The following TRPM3 variants were observed in gnomAD, a reference collection of about 807,000 sequenced individuals.
TRPM3 encodes long transient receptor potential channel 3.
Under a neutral mutation model 181.2 loss-of-function variants are expected in TRPM3, and 77 were observed. The ratio of observed to expected loss-of-function variants is 0.42; its 90% CI spans 0.35 to 0.51. TRPM3 has a LOEUF of 0.51. Ranked by LOEUF, TRPM3 falls within the 20% of genes least tolerant of loss-of-function variation. TRPM3 has a pLI of 0.01. For synonymous variants in TRPM3, 745 were observed against 796.4 expected (o/e 0.94, Z 1.09); for missense variants, 1,759 against 2,196.7 (o/e 0.80, Z 3.98).
At chr9:70,653,188 G>A (rs2059813384) in intron 9 of TRPM3, among the ~76,000 whole-genome samples, 1 of 152,138 alleles carries the variant, frequency 6.6e-6, no homozygotes, top group South Asian at 2.1e-4. Context: ...AGCAAAGAGG[G>A]TGAGTGAAGA....
At chr9:71,308,080 C>A (rs2087543338) in intron 1 of TRPM3, among the ~76,000 whole-genome samples, 1 of 151,320 alleles carries the variant, frequency 6.6e-6, no homozygotes, top group South Asian at 2.1e-4. Flanking sequence ...AAGTGATTCT[C>A]CTGCCTCAGC....
intron 1 of TRPM3, among the ~76,000 whole-genome samples, chr9:71,084,247 C>A (rs1290761720): frequency 6.6e-6 from 1 of 151,868 alleles, no homozygotes; most frequent in African/African-American, 2.4e-5. Context: ...TAACAATGAG[C>A]CACGTAGTAT....
intron 8 of TRPM3, among the ~76,000 whole-genome samples, chr9:70,681,850 C>T (rs933830391): frequency 1.2e-4 from 18 of 152,096 alleles, no homozygotes; most frequent in Non-Finnish European, 1.6e-4. Flanking sequence ...GTCGTGTTCC[C>T]CCAAAGTGCA....
At chr9:70,900,612 T>A (rs772446021) in intron 1 of TRPM3, among the ~76,000 whole-genome samples, 4 of 152,256 alleles carry the variant, frequency 2.6e-5, no homozygotes, top group Non-Finnish European at 5.9e-5. Context: ...ATTTCTAGTT[T>A]TTTTCCCAAT....
chr9:71,237,792 G>A (rs1388278925), intron 1 of TRPM3, among the ~76,000 whole-genome samples: 4 of 152,152 alleles, frequency 2.6e-5, no homozygotes, highest in Non-Finnish European at 4.4e-5. Flanking sequence ...GTCCAAGATC[G>A]AGGCACTGGC....
chr9:71,225,800 G>A (rs1267888609), intron 1 of TRPM3, among the ~76,000 whole-genome samples: 1 of 151,616 alleles, frequency 6.6e-6, no homozygotes, highest in African/African-American at 2.4e-5. Flanking sequence ...GGGATTACAG[G>A]CACCCACCAC....
At chr9:71,024,316 C>A (rs574356804) in intron 1 of TRPM3, among the ~76,000 whole-genome samples, 1 of 152,228 alleles carries the variant, frequency 6.6e-6, no homozygotes, top group South Asian at 2.1e-4. Flanking sequence ...AGAACTGAGT[C>A]ACTATCAGGA....
rs2058197574 is a variant in TRPM3 at position 70,642,414 on chromosome 9, C to G, written c.1346-1754G>C. 2.0e-5 allele frequency among the ~76,000 whole-genome samples: 3 copies of G among 152,292 alleles called. No homozygotes were observed. In the South Asian group the frequency reaches 6.2e-4, roughly 32 times the overall value. On this transcript the variant is annotated intron_variant, in intron 9 of 25. Transcript: ENST00000677713. ...GAAAGAAATATAGCAAATGTGTATG[C>G]TGTTCATTCCTCTGGGTTCGCCAGC...
chr9:70,891,273 GA>G (rs1166630273), intron 1 of TRPM3, among the ~76,000 whole-genome samples: 1 of 151,952 alleles, frequency 6.6e-6, no homozygotes, highest in Non-Finnish European at 1.5e-5. Context: ...CTGAAAAATT[GA>G]AAAAAATAAT....
In TRPM3 at chr9:71,128,009, T is replaced by C. The variant is rs925438128; in HGVS notation, c.184-263498A>G. On this transcript the variant is annotated intron_variant, in intron 1 of 24. Coordinates refer to the TRPM3 transcript ENST00000357533. ...TATTACTACCAATATTGGAGTCATA[T>C]GTGCCACCCTTCCCACAGCTAGTGA... Among the ~76,000 whole-genome samples the C allele has an allele frequency of 2.0e-5, 3 of 152,210 alleles. 1 individual carries two copies. Among genetic ancestry groups the C allele is most frequent in the Admixed American group, 6.5e-5 (1 of 15,280 alleles).
intron 1 of TRPM3, among the ~76,000 whole-genome samples, chr9:71,031,972 T>TTATATA (rs1357270207): frequency 0.028 from 18 of 638 alleles, 2 homozygotes; most frequent in African/African-American, 0.042. Flanking sequence ...TATATATATA[T>TTATATA]TATATATATA....
chr9:71,070,049 A>G (rs554131844), intron 1 of TRPM3, among the ~76,000 whole-genome samples: 8 of 152,370 alleles, frequency 5.3e-5, no homozygotes, highest in South Asian at 2.1e-4. Context: ...TATTTTAATG[A>G]GTATTGACCA....
At chr9:71,179,441 T>C (rs2077275943) in intron 1 of TRPM3, among the ~76,000 whole-genome samples, 1 of 152,126 alleles carries the variant, frequency 6.6e-6, no homozygotes, top group Non-Finnish European at 1.5e-5. Context: ...TATTCTCTCA[T>C]TCTGGTCTGT....
At chr9:70,815,985 G>A (rs1216747668) in intron 6 of TRPM3, among the ~76,000 whole-genome samples, 1 of 152,116 alleles carries the variant, frequency 6.6e-6, no homozygotes, top group Non-Finnish European at 1.5e-5. Context: ...CTTGCTTGTG[G>A]TTTCACTAAA....
chr9:70,810,151 T>C (rs2091704008), intron 6 of TRPM3: 6 of 490,112 alleles, frequency 1.2e-5, no homozygotes, highest in Middle Eastern at 3.5e-4. Context: ...CACCCTGTCC[T>C]ATGGGTACAT....
intron 1 of TRPM3, among the ~76,000 whole-genome samples, chr9:71,070,678 A>T (rs917471515): frequency 6.6e-6 from 1 of 152,244 alleles, no homozygotes; most frequent in African/African-American, 2.4e-5. Context: ...AGAGGATGAC[A>T]GGATAAAAAG....
chr9:71,142,328 ACAAAC>A (rs2075154107), intron 1 of TRPM3, among the ~76,000 whole-genome samples: 1 of 152,112 alleles, frequency 6.6e-6, no homozygotes, highest in East Asian at 1.9e-4. Context: ...TACCTTCAAA[ACAAAC>A]CCTAAAGCAA....
At position 71,233,857 on chromosome 9, in the gene TRPM3, T is replaced by C. The variant is rs1037391586; in HGVS notation, c.183+212796A>G. On this transcript the variant is annotated intron_variant, in intron 1 of 24. Transcript: ENST00000357533. ...TCAAAAGTCTTTCCTTTAATCAGAC[T>C]GAATAAAATCCGGTTGACCTACTTT... 3.9e-5 allele frequency among the ~76,000 whole-genome samples: 6 copies of C among 152,232 alleles called. No homozygotes were observed. The East Asian group carries it at 1.2e-3, about 29-fold the overall frequency.
At chr9:70,911,229 T>C (rs1004812286) in intron 1 of TRPM3, among the ~76,000 whole-genome samples, 2 of 152,208 alleles carry the variant, frequency 1.3e-5, no homozygotes, top group African/African-American at 4.8e-5. Context: ...TGGGTCACAC[T>C]TTGGAAAGGA....
Sources: gnomAD v4.1 joint callset for allele counts (sites outside exome capture counted in the v4.1 genomes callset) on GRCh38, gnomAD v4.1.1 for gene constraint, MANE v1.5 for transcripts, NCBI Gene and HGNC (gene_info 2026-07-23, HGNC 2026-07-21) for gene names.